PTK2: variants seen among roughly 807,000 people sequenced by gnomAD.
PTK2 encodes the protein protein tyrosine kinase 2.
In PTK2, 45 loss-of-function variants were observed where a neutral mutation model predicts 150.1. That is an observed-to-expected ratio of 0.30 (90% CI 0.24 to 0.38). The LOEUF (loss-of-function observed/expected upper bound fraction) is 0.38, where lower values mean the gene tolerates loss of function less well. Among genes scored for constraint, PTK2 ranks in the 10% least tolerant of loss-of-function variants. PTK2 has a pLI of 1.00. For synonymous variants in PTK2, 432 were observed against 449.2 expected, an observed-to-expected ratio of 0.96 and a Z score of 0.48; for missense variants, 919 against 1,307.3, an observed-to-expected ratio of 0.70 and a Z score of 4.58.
At chr8:140,690,826 C>T (rs1292653727) in intron 26 of PTK2, among the ~76,000 whole-genome samples, 2 of 152,198 alleles carry the variant, frequency 1.3e-5, no homozygotes, top group Non-Finnish European at 2.9e-5. Flanking sequence ...GCATGATTAT[C>T]ATCATAAAAT....
intron 26 of PTK2, among the ~76,000 whole-genome samples, chr8:140,696,837 A>G (rs1487368365): frequency 6.6e-6 from 1 of 152,198 alleles, no homozygotes; most frequent in Non-Finnish European, 1.5e-5. Context: ...TAGGAAAGAC[A>G]TGGTCCATGG....
At chr8:140,690,473 G>A (rs1435810333) in intron 26 of PTK2, among the ~76,000 whole-genome samples, 5 of 152,094 alleles carry the variant, frequency 3.3e-5, no homozygotes, top group East Asian at 1.9e-4. Context: ...CCCAACTTAC[G>A]ATGTGGTCAT....
Position 140,673,147 on chromosome 8 carries a change from G to A in PTK2, c.2709+1151C>T, listed in dbSNP as rs144606644. On this transcript the variant is annotated intron_variant, in intron 29 of 31. Transcript: ENST00000522684. ...CCTCGAGACGGAATCTTGCTCTGTC[G>A]CCCAGGCTGGAGTGCAATGGCATGA... 1.2e-4 allele frequency among the ~76,000 whole-genome samples: 18 copies of A among 149,222 alleles called. No homozygotes were observed. The East Asian group carries it at 2.5e-3, about 21-fold the overall frequency.
At chr8:140,736,082 T>G (rs530792784) in intron 21 of PTK2, among the ~76,000 whole-genome samples, 2 of 152,376 alleles carry the variant, frequency 1.3e-5, no homozygotes, top group East Asian at 3.8e-4. Context: ...CACTCTACCC[T>G]TGGGAAATCC....
chr8:140,890,480 T>C (rs934973678), intron 3 of PTK2, 63 bp downstream of exon 3: 5 of 1,337,984 alleles, frequency 3.7e-6, no homozygotes, highest in Admixed American at 2.0e-5. Flanking sequence ...TCTTTTTTCA[T>C]ACATGCCATT....
At chr8:140,777,928 G>A (rs1288755759) in intron 14 of PTK2, among the ~76,000 whole-genome samples, 2 of 152,136 alleles carry the variant, frequency 1.3e-5, no homozygotes, top group Non-Finnish European at 2.9e-5. Context: ...TTTTTCCCAT[G>A]CCTTCAACTG....
chr8:140,674,028 T>C, intron 29 of PTK2: 1 of 575,310 alleles, frequency 1.7e-6, no homozygotes, highest in Non-Finnish European at 3.3e-6. Context: ...CAGAGGAAGA[T>C]GTATGTAGAA....
intron 10 of PTK2, among the ~76,000 whole-genome samples, chr8:140,815,442 T>C (rs999848829): frequency 4.6e-5 from 7 of 152,046 alleles, no homozygotes; most frequent in African/African-American, 1.7e-4. Context: ...GGGGAGGGGA[T>C]TGGGAAAAAT....
intron 21 of PTK2, among the ~76,000 whole-genome samples, chr8:140,738,736 C>T (rs2100053973): frequency 6.6e-6 from 1 of 152,040 alleles, no homozygotes; most frequent in South Asian, 2.1e-4. Context: ...CAAAATATCC[C>T]CCTGTGAGGA....
chr8:140,679,311 C>T (rs2100015774), intron 27 of PTK2, among the ~76,000 whole-genome samples: 1 of 151,996 alleles, frequency 6.6e-6, no homozygotes, highest in Non-Finnish European at 1.5e-5. Context: ...AGGCGTGAGC[C>T]ACCGCGCCTG....
At chr8:140,705,852 T>C (rs552470409) in intron 24 of PTK2, among the ~76,000 whole-genome samples, 63 of 152,328 alleles carry the variant, frequency 4.1e-4, no homozygotes, top group African/African-American at 1.4e-3. Flanking sequence ...CACCTTGCCC[T>C]TTACCACAGC....
chr8:140,708,908 G>T (rs1379901726), intron 23 of PTK2, among the ~76,000 whole-genome samples: 1 of 150,850 alleles, frequency 6.6e-6, no homozygotes, highest in Admixed American at 6.6e-5. Context: ...GCAGAGCCAG[G>T]GACCAGAACA....
At chr8:140,743,436 A>G in intron 19 of PTK2, 106 bp from the exon 23 acceptor site, 1 of 689,532 alleles carries the variant, frequency 1.5e-6, no homozygotes, top group East Asian at 2.7e-5. Context: ...CAGCTTATAT[A>G]CAATGCGAGC....
At chr8:140,700,703 T>TAG in intron 26 of PTK2, 188 bp downstream of exon 29, 1 of 544,724 alleles carries the variant, frequency 1.8e-6, no homozygotes, top group Non-Finnish European at 3.0e-6. Flanking sequence ...CTCGAACTCC[T>TAG]GACCTCAGGT....
intron 15 of PTK2, among the ~76,000 whole-genome samples, chr8:140,763,884 T>A (rs530309320): frequency 1.3e-5 from 2 of 152,304 alleles, no homozygotes; most frequent in African/African-American, 4.8e-5. Flanking sequence ...ATATATATAT[T>A]GTGTGTGTAT....
chr8:140,819,486 A>G (rs1007461317), intron 8 of PTK2, among the ~76,000 whole-genome samples: 3 of 152,270 alleles, frequency 2.0e-5, no homozygotes, highest in African/African-American at 7.2e-5. Flanking sequence ...TTAGAGATAC[A>G]TGCAAAGATT....
chr8:140,927,975 A>AAAATATAT, intron 1 of PTK2, among the ~76,000 whole-genome samples: 44 of 48,156 alleles, frequency 9.1e-4, no homozygotes, highest in South Asian at 1.0e-3. Flanking sequence ...AAAAAAAAAA[A>AAAATATAT]ATATATATAT....
intron 1 of PTK2, among the ~76,000 whole-genome samples, chr8:140,996,074 TAAAAC>T (rs200730309): frequency 0.019 from 2,814 of 151,740 alleles, 32 homozygotes; most frequent in Non-Finnish European, 0.028. Flanking sequence ...CTGTGTCTCT[TAAAAC>T]AAAACAAAAC....
At chr8:140,769,639 G>A (rs979796743) in intron 14 of PTK2, 47 bp from the exon 16 acceptor site, 1 of 1,296,412 alleles carries the variant, frequency 7.7e-7, no homozygotes, top group Non-Finnish European at 1.0e-6. Flanking sequence ...GGGAACAGAG[G>A]GAGGGAGACA....
Sources: allele counts gnomAD v4.1 joint callset (sites outside exome capture counted in the v4.1 genomes callset), GRCh38; gene constraint gnomAD v4.1.1; transcripts MANE v1.5; gene names NCBI Gene and HGNC (gene_info 2026-07-23, HGNC 2026-07-21).